DRAXIN: variants seen among roughly 807,000 people sequenced by gnomAD.
DRAXIN encodes the protein dorsal inhibitory axon guidance protein, also known as dorsal repulsive axon guidance protein.
A neutral mutation model predicts 33.9 loss-of-function variants in DRAXIN; 27 were observed. The observed-to-expected ratio is 0.80, with a 90% CI of 0.59 to 1.10. DRAXIN has a LOEUF of 1.10. DRAXIN is among the 50% of genes least tolerant of loss of function. The pLI, the probability that DRAXIN is intolerant of heterozygous loss-of-function variation, is 0.00. For synonymous variants in DRAXIN, 178 were observed against 194.0 expected, an observed-to-expected ratio of 0.92 and a Z score of 0.69; for missense variants, 371 against 460.8, an observed-to-expected ratio of 0.81 and a Z score of 1.78.
rs117387594 is a variant in DRAXIN at position 11,714,978 on chromosome 1, C to T, written c.848-141C>T. ...ATCTCCCTGTGGTTCCACTCAGGAGCCTTGCACACCAGATGGCCCACCCCG... is the reference window on the plus strand; with the variant it reads ...ATCTCCCTGTGGTTCCACTCAGGAGTCTTGCACACCAGATGGCCCACCCCG... On this transcript the variant is annotated intron_variant, in intron 5 of 6. Coordinates refer to ENST00000294485, the MANE Select transcript of DRAXIN (RefSeq NM_198545.4). 1.1e-3 allele frequency: 954 copies of T among 901,272 alleles called. 14 individuals carry two copies. The East Asian group carries it at 0.022, about 20-fold the overall frequency. 55.8% of individuals were successfully genotyped at this position (901,272 alleles called of 1,614,324 possible).
rs6685326 is a variant in DRAXIN, at chr1:11,706,012, C to G, written c.-10-237C>G. 0.8 allele frequency among the ~76,000 whole-genome samples: 121,814 copies of G among 152,102 alleles called. 49,536 individuals carry two copies. The highest frequency in any genetic ancestry group is 0.95 in the African/African-American group (39,345 of 41,514). ...TTCTGGGCCGGATGATTCTTGGTTT[C>G]GGGGGCTGTCCTGTGCATTGTCGGG... On this transcript the variant is annotated intron_variant, in intron 1 of 6. Coordinates refer to ENST00000294485, the MANE Select transcript of DRAXIN (RefSeq NM_198545.4). The surrounding 1 kb of genome is among the most constrained non-coding windows in gnomAD (Gnocchi z 5.5).
At chr1:11,687,229 C>G (rs1436382374), upstream of DRAXIN, among the ~76,000 whole-genome samples, 1 of 152,008 alleles carries the variant, frequency 6.6e-6, no homozygotes, top group African/African-American at 2.4e-5. This position sits in a 1 kb window ranked among gnomAD's most constrained non-coding sequence, Gnocchi z 4.1. Flanking sequence ...TCACACCCAG[C>G]TAATTTTTAT....
intron 1 of DRAXIN, among the ~76,000 whole-genome samples, chr1:11,695,960 G>A (rs565520834): frequency 6.6e-6 from 1 of 152,246 alleles, no homozygotes; most frequent in South Asian, 2.1e-4. Context: ...GTGAGGTCTG[G>A]GGTGGGTTGA....
intron 3 of DRAXIN, among the ~76,000 whole-genome samples, chr1:11,710,936 G>A (rs1207615034): frequency 1.4e-4 from 10 of 72,734 alleles, no homozygotes; most frequent in South Asian, 3.7e-4. Flanking sequence ...AAAAAAAAAA[G>A]GTTTTCAAAC....
At chr1:11,702,747 C>CTTTTTTTTT (rs33972819) in intron 1 of DRAXIN, among the ~76,000 whole-genome samples, 8 of 145,552 alleles carry the variant, frequency 5.5e-5, no homozygotes, top group Non-Finnish European at 7.5e-5. Context: ...GGTATGAATT[C>CTTTTTTTTT]TTTTTTTTTT....
chr1:11,700,721 G>A (rs1338469160), intron 1 of DRAXIN, among the ~76,000 whole-genome samples: 2 of 152,334 alleles, frequency 1.3e-5, no homozygotes, highest in Admixed American at 1.3e-4. Context: ...CCCGTGGGGG[G>A]TTGCCTGCTT....
chr1:11,725,468 C>T lies in DRAXIN; in HGVS notation c.*5772C>T, dbSNP rs556477927. On this transcript the variant is annotated 3_prime_UTR_variant, in exon 7 of 7. Transcript: ENST00000294485. ...TGGGCACGATCAAATTTGAGAATCA[C>T]AGGTCTAGGATACGACGGGGAAAAC... 6.6e-6 allele frequency: 1 copy of T among 152,376 alleles called. No individual in the cohort carries two copies. Among genetic ancestry groups the T allele is most frequent in the African/African-American group, 2.4e-5 (1 of 41,586 alleles). 9.4% of individuals were successfully genotyped at this position (152,376 alleles called of 1,614,324 possible).
At chr1:11,710,062 G>A (rs776399800) in intron 3 of DRAXIN, among the ~76,000 whole-genome samples, 2 of 152,064 alleles carry the variant, frequency 1.3e-5, no homozygotes, top group Non-Finnish European at 2.9e-5. Flanking sequence ...GCGCACGCCT[G>A]TAGTCCCAGC....
intron 6 of DRAXIN, 81 bp downstream of exon 6, chr1:11,715,289 C>G: frequency 6.5e-7 from 1 of 1,549,536 alleles, no homozygotes; most frequent in Non-Finnish European, 8.9e-7. Flanking sequence ...GCTTCTGCAC[C>G]GAGTGGGGAA....
At chr1:11,702,104 C>T (rs899774277) in intron 1 of DRAXIN, among the ~76,000 whole-genome samples, 5 of 150,044 alleles carry the variant, frequency 3.3e-5, no homozygotes, top group African/African-American at 9.9e-5. Flanking sequence ...CTCTCACACA[C>T]GCGAGTTCAC....
At chr1:11,712,000 G>A (rs761797514) in intron 4 of DRAXIN, 35 bp downstream of exon 4, 2 of 1,584,282 alleles carry the variant, frequency 1.3e-6, no homozygotes, top group Middle Eastern at 1.7e-4. Context: ...TCCATGCCTG[G>A]GTGCCCTGCC....
intron 1 of DRAXIN, among the ~76,000 whole-genome samples, chr1:11,702,349 C>T (rs1333709145): frequency 2.7e-5 from 4 of 149,754 alleles, no homozygotes; most frequent in Non-Finnish European, 5.9e-5. Flanking sequence ...CACACATACA[C>T]TGACAACACA....
At chr1:11,717,387 A>AG (rs1641592573) in intron 6 of DRAXIN, among the ~76,000 whole-genome samples, 1 of 152,012 alleles carries the variant, frequency 6.6e-6, no homozygotes. Flanking sequence ...ATTGGAGGCC[A>AG]GGGGAGTGGT....
intron 1 of DRAXIN, among the ~76,000 whole-genome samples, chr1:11,699,192 C>T (rs1641235247): frequency 1.3e-5 from 2 of 152,160 alleles, no homozygotes; most frequent in Non-Finnish European, 2.9e-5. Flanking sequence ...CCCAGTGGTC[C>T]TCCTCCCCTA....
chr1:11,706,640 G>A lies in DRAXIN; in HGVS notation c.382G>A (p.Gly128Ser). The change falls in exon 2 of 7, where the codon GGT becomes AGT. Residue 128 changes from glycine (G) to serine (S), a missense_variant. Coordinates refer to ENST00000294485, the MANE Select transcript of DRAXIN (RefSeq NM_198545.4). This position sits in a 1 kb window ranked among gnomAD's most constrained non-coding sequence, Gnocchi z 5.5. ...CCCCGAGAAGGAGAACCGACCTCCA[G>A]GTTGGGAGAGGACCAGGAAACGCAG... ...PYPEKENRPPGWERTRKRSRE... is the reference protein window; with the variant it reads ...PYPEKENRPPSWERTRKRSRE... 1.3e-6 allele frequency: 2 copies of A among 1,599,644 alleles called. No individual in the cohort carries two copies. The highest frequency in any genetic ancestry group is 1.7e-6 in the Non-Finnish European group (2 of 1,179,480).
intron 3 of DRAXIN, among the ~76,000 whole-genome samples, chr1:11,711,030 G>A (rs1641487633): frequency 6.6e-6 from 1 of 151,876 alleles, no homozygotes; most frequent in East Asian, 1.9e-4. Context: ...GGTGGCTCAC[G>A]CCTGTAATCC....
chr1:11,691,250 C>A (rs1386024887), upstream of DRAXIN, among the ~76,000 whole-genome samples: 1 of 152,136 alleles, frequency 6.6e-6, no homozygotes, highest in African/African-American at 2.4e-5. Context: ...GACGCGGCCG[C>A]AGCTGAGCGC....
intron 1 of DRAXIN, among the ~76,000 whole-genome samples, chr1:11,699,293 A>G (rs1244858064): frequency 2.0e-5 from 3 of 152,140 alleles, no homozygotes; most frequent in African/African-American, 4.8e-5. Context: ...TCAACAAAAC[A>G]GTGTTTTATA....
At chr1:11,695,416 TA>T (rs1038967040) in intron 1 of DRAXIN, among the ~76,000 whole-genome samples, 32 of 146,624 alleles carry the variant, frequency 2.2e-4, no homozygotes, top group African/African-American at 6.2e-4. Flanking sequence ...CTATCTCTAC[TA>T]AAAAAAAAAG....
Sources: gnomAD v4.1 joint callset for allele counts (sites outside exome capture counted in the v4.1 genomes callset) on GRCh38, gnomAD v4.1.1 for gene constraint, Gnocchi (gnomAD v3.1) non-coding constraint, MANE v1.5 for transcripts, NCBI Gene and HGNC (gene_info 2026-07-23, HGNC 2026-07-21) for gene names.